Variants in PPP1R7 observed in about 807,000 individuals in gnomAD.
The protein encoded by PPP1R7 is protein phosphatase 1 regulatory subunit 22.
A neutral mutation model predicts 45.2 loss-of-function variants in PPP1R7; 18 were observed. The ratio of observed to expected loss-of-function variants is 0.40; its 90% CI spans 0.28 to 0.59. The LOEUF is 0.59. Among genes scored for constraint, PPP1R7 ranks in the 20% least tolerant of loss-of-function variants. PPP1R7 has a pLI of 0.46. For missense variants in PPP1R7, 314 were observed against 455.8 expected, an observed-to-expected ratio of 0.69 and a Z score of 2.83; for synonymous variants, 181 against 183.4, an observed-to-expected ratio of 0.99 and a Z score of 0.11.
At chr2:241,150,341 A>C, upstream of PPP1R7, 2 of 1,313,114 alleles carry the variant, frequency 1.5e-6, no homozygotes, top group Non-Finnish European at 1.9e-6. Context: ...TCATGACGGA[A>C]CTACAACTCC....
At chr2:241,154,950 T>C (rs2067418503) in intron 2 of PPP1R7, 1 of 152,236 alleles carries the variant, frequency 6.6e-6, no homozygotes, top group Admixed American at 6.5e-5. Flanking sequence ...AGATGATTGG[T>C]AACTATGGCA....
At chr2:241,159,085 G>T in intron 4 of PPP1R7, 128 bp from the exon 5 acceptor site, 1 of 1,196,662 alleles carries the variant, frequency 8.4e-7, no homozygotes, top group Non-Finnish European at 1.2e-6. Flanking sequence ...ACCTTTCTAG[G>T]AAACAGCAGG....
At position 241,182,709 on chromosome 2, in the gene PPP1R7, G is replaced by A; in HGVS notation, c.969G>A (p.Leu323=). 1 of 1,614,194 alleles carries A rather than the reference G, an allele frequency of 6.2e-7. No homozygotes were observed. The highest frequency in any genetic ancestry group is 8.5e-7 in the Non-Finnish European group (1 of 1,180,038). Reference sequence around the variant, plus strand: ...ACGAGCTGAAGGGAGCCAGGAGCCTGGAGACAGTGTACCTGGAGCGGAACC... The same window carrying A: ...ACGAGCTGAAGGGAGCCAGGAGCCTAGAGACAGTGTACCTGGAGCGGAACC... The part of the protein sequence containing the change: ...DLDELKGARS[L]ETVYLERNPL... Residue 323 remains leucine (L), a synonymous_variant, in exon 10 of 10, where the codon CTG becomes CTA. Transcript: ENST00000234038.
chr2:241,158,183 A>G (rs570041791), intron 3 of PPP1R7, among the ~76,000 whole-genome samples: 2 of 152,288 alleles, frequency 1.3e-5, no homozygotes, highest in South Asian at 2.1e-4. Context: ...CGTGTCTCTG[A>G]TGGTGATGGG....
intron 9 of PPP1R7, among the ~76,000 whole-genome samples, chr2:241,177,538 C>T (rs972956818): frequency 6.6e-6 from 1 of 152,110 alleles, no homozygotes; most frequent in Admixed American, 6.5e-5. Flanking sequence ...GTCCATTGGT[C>T]GCCTGAGAGG....
chr2:241,169,955 C>T (rs1036809484), intron 9 of PPP1R7, 88 bp downstream of exon 9: 12 of 1,119,302 alleles, frequency 1.1e-5, no homozygotes, highest in Non-Finnish European at 1.6e-5. Flanking sequence ...ACAAGAATCT[C>T]CTGTAAGCCT....
chr2:241,154,900 C>T (rs2067417547), intron 2 of PPP1R7: 1 of 152,032 alleles, frequency 6.6e-6, no homozygotes, highest in African/African-American at 2.4e-5. Context: ...AAGAAACAAA[C>T]CTAATTTTTA....
In PPP1R7 at chr2:241,150,677, T is replaced by TGACAGCC. The variant is rs1283364146; in HGVS notation, c.52+132_52+138dup. ...CGCCGCCGCGCGGCCCCCTGACAGC[T>TGACAGCC]GACAGCCGGACCCGGGGGAGCGGGG... On this transcript the variant is annotated intron_variant, in intron 1 of 9. Transcript: ENST00000234038. The TGACAGCC allele has an allele frequency of 1.0e-5, 13 of 1,282,868 alleles. No individual in the cohort carries two copies. In the East Asian group the frequency reaches 1.9e-4, roughly 19 times the overall value. 79.5% of individuals were successfully genotyped at this position (1,282,868 alleles called of 1,614,324 possible).
At chr2:241,167,126 C>T (rs2067732713) in intron 8 of PPP1R7, 1 of 1,541,100 alleles carries the variant, frequency 6.5e-7, no homozygotes, top group Non-Finnish European at 8.9e-7. Flanking sequence ...TCACCCTGCT[C>T]TGCCCCAGTG....
At position 241,183,096 on chromosome 2, in the gene PPP1R7, A is replaced by C. The variant is rs2068036161; in HGVS notation, c.*273A>C. On this transcript the variant is annotated 3_prime_UTR_variant, in exon 10 of 10. Coordinates refer to ENST00000234038, the MANE Select transcript of PPP1R7 (RefSeq NM_002712.3). Reference sequence around the variant, plus strand: ...AGACACGTTGCGTTCATTCGCTAGAAATCCCTGTTTCCTTCTCTCAGAAGG... The same window carrying C: ...AGACACGTTGCGTTCATTCGCTAGACATCCCTGTTTCCTTCTCTCAGAAGG... The C allele has an allele frequency of 1.0e-5, 5 of 476,544 alleles. No homozygotes were observed. In the Admixed American group the frequency reaches 1.7e-4, roughly 16 times the overall value. The allele number at this position is 476,544 out of a possible 1,614,324, so 29.5% of individuals were successfully genotyped here.
chr2:241,150,483 A>C lies in PPP1R7; in HGVS notation c.-13A>C. 3 of 1,584,622 alleles carry C rather than the reference A, an allele frequency of 1.9e-6. No homozygotes were observed. Among genetic ancestry groups the C allele is most frequent in the Non-Finnish European group, 2.6e-6 (3 of 1,165,512 alleles). ...TGAGGCGACAGATTCCGGAAAGGGG[A>C]AGAGCAGCCAACATGGCGGCGGAAC... On this transcript the variant is annotated 5_prime_UTR_variant, in exon 1 of 10. Coordinates refer to ENST00000234038, the MANE Select transcript of PPP1R7 (RefSeq NM_002712.3).
At chr2:241,174,033 A>G (rs937289796) in intron 9 of PPP1R7, among the ~76,000 whole-genome samples, 2 of 151,626 alleles carry the variant, frequency 1.3e-5, no homozygotes, top group Admixed American at 6.6e-5. Flanking sequence ...ATGGTGTTCA[A>G]TTGTTGAATG....
chr2:241,162,461 C>A (rs1423111854), intron 6 of PPP1R7, among the ~76,000 whole-genome samples: 1 of 152,168 alleles, frequency 6.6e-6, no homozygotes, highest in Non-Finnish European at 1.5e-5. Context: ...GGAGACCAGA[C>A]AGGGCAGCGT....
chr2:241,176,835 G>C (rs2067916621), intron 9 of PPP1R7, among the ~76,000 whole-genome samples: 1 of 152,228 alleles, frequency 6.6e-6, no homozygotes, highest in South Asian at 2.1e-4. Flanking sequence ...AAGACTCATA[G>C]AATGCAGCTG....
intron 1 of PPP1R7, chr2:241,151,387 G>A (rs2067298523): frequency 4.3e-6 from 2 of 465,742 alleles, no homozygotes; most frequent in Non-Finnish European, 8.9e-6. Context: ...GGGAAGGAGG[G>A]CGGGTGCAGC....
intron 9 of PPP1R7, 27 bp from the exon 10 acceptor site, chr2:241,182,620 A>T (rs748067809): frequency 6.2e-7 from 1 of 1,612,222 alleles, no homozygotes; most frequent in Middle Eastern, 1.7e-4. Context: ...TTGGTTCTAA[A>T]GGCTTTTCTG....
chr2:241,150,175 C>A, upstream of PPP1R7: 7 of 1,277,926 alleles, frequency 5.5e-6, no homozygotes, highest in Non-Finnish European at 6.9e-6. Flanking sequence ...GGGCGTCTCT[C>A]CACTCTGCCT....
At chr2:241,150,144 A>G, upstream of PPP1R7, 6 of 1,270,154 alleles carry the variant, frequency 4.7e-6, no homozygotes, top group South Asian at 2.2e-5. Flanking sequence ...AGACAGTGAC[A>G]TAAGTCAACT....
In PPP1R7 at chr2:241,150,759, C is replaced by T. The variant is rs970971221; in HGVS notation, c.52+212C>T. Among the ~76,000 whole-genome samples, 12 of 152,112 alleles carry T rather than the reference C, an allele frequency of 7.9e-5. No homozygotes were observed. The South Asian group carries it at 1.2e-3, about 16-fold the overall frequency. ...GGGGGCGGCAGCGGCCGGGAAGGAC[C>T]CAGAGCTAGGGGGAGAGCGGCGGCG... On this transcript the variant is annotated intron_variant, in intron 1 of 9. Coordinates refer to ENST00000234038, the MANE Select transcript of PPP1R7 (RefSeq NM_002712.3).
Sources: gnomAD v4.1 joint callset for allele counts (sites outside exome capture counted in the v4.1 genomes callset) on GRCh38, gnomAD v4.1.1 for gene constraint, MANE v1.5 for transcripts, NCBI Gene and HGNC (gene_info 2026-07-23, HGNC 2026-07-21) for gene names.